Variants in KCMF1 observed in about 807,000 individuals in gnomAD.
KCMF1 encodes the protein potassium channel modulatory factor 1, also known as E3 ubiquitin-protein ligase KCMF1.
In KCMF1, 3 loss-of-function variants were observed where a neutral mutation model predicts 41.1. That is an observed-to-expected ratio of 0.07 (90% CI 0.03 to 0.19). The LOEUF (loss-of-function observed/expected upper bound fraction) is 0.19. Among genes scored for constraint, KCMF1 ranks in the 10% least tolerant of loss-of-function variants. The pLI is 1.00. For synonymous variants in KCMF1, 142 were observed against 164.5 expected, an observed-to-expected ratio of 0.86 and a Z score of 1.04; for missense variants, 286 against 488.9, an observed-to-expected ratio of 0.58 and a Z score of 3.91.
At chr2:84,992,664 G>T (rs1674071288) in intron 1 of KCMF1, among the ~76,000 whole-genome samples, 1 of 149,586 alleles carries the variant, frequency 6.7e-6, no homozygotes, top group Non-Finnish European at 1.5e-5. Context: ...ACGGAGTCTA[G>T]CTCTGTCGCC....
chr2:85,031,580 A>G (rs866264632), intron 2 of KCMF1, among the ~76,000 whole-genome samples: 12 of 152,218 alleles, frequency 7.9e-5, no homozygotes, highest in African/African-American at 2.9e-4. Context: ...TGTTCTGAGC[A>G]CGTTTAATGT....
intron 2 of KCMF1, among the ~76,000 whole-genome samples, chr2:85,031,074 G>A (rs1675254684): frequency 6.6e-6 from 1 of 152,216 alleles, no homozygotes; most frequent in South Asian, 2.1e-4. Flanking sequence ...ATCAAGAAGA[G>A]TGAGTCTTCC....
At chr2:84,982,654 C>A (rs1254310302) in intron 1 of KCMF1, among the ~76,000 whole-genome samples, 1 of 152,004 alleles carries the variant, frequency 6.6e-6, no homozygotes, top group African/African-American at 2.4e-5. Flanking sequence ...CTGCCTTCGC[C>A]ACCCAAAGTG....
chr2:84,980,122 G>C (rs1559124594), intron 1 of KCMF1, among the ~76,000 whole-genome samples: 1 of 152,016 alleles, frequency 6.6e-6, no homozygotes. Flanking sequence ...ATGAGCCACT[G>C]CGCCCAGCCA....
At position 85,055,439 on chromosome 2, in the gene KCMF1, A is replaced by G. The variant is rs1225797771; in HGVS notation, c.*2030A>G. 2 of 152,206 alleles carry G rather than the reference A, an allele frequency of 1.3e-5. No homozygotes were observed. Among genetic ancestry groups the G allele is most frequent in the African/African-American group, 2.4e-5 (1 of 41,448 alleles). 9.4% of individuals were successfully genotyped at this position (152,206 alleles called of 1,614,324 possible). A position where few individuals can be genotyped will look rare whatever the true frequency, so the allele number is the denominator to read the frequency against. ...CCTTTTCTGCACAAATTCTGGGAAAATGTAAAAGCCTTCATTTTTTAACAT... is the reference window on the plus strand; with the variant it reads ...CCTTTTCTGCACAAATTCTGGGAAAGTGTAAAAGCCTTCATTTTTTAACAT... On this transcript the variant is annotated 3_prime_UTR_variant, in exon 7 of 7. Coordinates refer to ENST00000409785, the MANE Select transcript of KCMF1 (RefSeq NM_020122.5).
At chr2:84,975,913 G>T (rs989855529) in intron 1 of KCMF1, among the ~76,000 whole-genome samples, 1 of 152,182 alleles carries the variant, frequency 6.6e-6, no homozygotes, top group East Asian at 1.9e-4. Flanking sequence ...CTGGATCTAG[G>T]TACATGTGTC....
In KCMF1 at chr2:85,058,485, A is replaced by G. The variant is rs1675989970; in HGVS notation, c.*5076A>G. Reference sequence around the variant, plus strand: ...GATGTTTCTCTTCAAGGAGGCCTTTACTAACCACAGGGAACCTAGCATCTG... The same window carrying G: ...GATGTTTCTCTTCAAGGAGGCCTTTGCTAACCACAGGGAACCTAGCATCTG... On this transcript the variant is annotated 3_prime_UTR_variant, in exon 7 of 7. Coordinates refer to ENST00000409785, the MANE Select transcript of KCMF1 (RefSeq NM_020122.5). The G allele has an allele frequency of 1.3e-5, 2 of 152,218 alleles. No homozygotes were observed. Among genetic ancestry groups the G allele is most frequent in the South Asian group, 2.1e-4 (1 of 4,828 alleles). 9.4% of individuals were successfully genotyped at this position (152,218 alleles called of 1,614,324 possible).
chr2:85,034,944 T>A, intron 2 of KCMF1, 72 bp from the exon 3 acceptor site: 1 of 1,308,760 alleles, frequency 7.6e-7, no homozygotes, highest in African/African-American at 1.5e-5. Flanking sequence ...TTTACATTAT[T>A]GTATCGTACG....
chr2:85,011,627 C>T (rs1048280644), intron 1 of KCMF1, among the ~76,000 whole-genome samples: 11 of 152,254 alleles, frequency 7.2e-5, no homozygotes, highest in Non-Finnish European at 1.3e-4. Flanking sequence ...TGCCTGAAGA[C>T]GCTAGTATTG....
At chr2:84,980,124 G>A (rs139110586) in intron 1 of KCMF1, among the ~76,000 whole-genome samples, 4 of 152,010 alleles carry the variant, frequency 2.6e-5, no homozygotes, top group African/African-American at 7.3e-5. Context: ...GAGCCACTGC[G>A]CCCAGCCAGT....
chr2:84,997,764 CTTTTTTT>C (rs112460793), intron 1 of KCMF1, among the ~76,000 whole-genome samples: 17 of 80,246 alleles, frequency 2.1e-4, no homozygotes, highest in African/African-American at 5.0e-4. Flanking sequence ...AATACATTTT[CTTTTTTT>C]TTTTTTTTTT....
rs190253297 is a variant in KCMF1, at chr2:85,021,420, G to A, written c.17-6469G>A. Reference sequence around the variant, plus strand: ...GGGCGGATCACGAGGTCAGGAGATCGAGAACATCCTGGCCAATGTGGTGAA... The same window carrying A: ...GGGCGGATCACGAGGTCAGGAGATCAAGAACATCCTGGCCAATGTGGTGAA... On this transcript the variant is annotated intron_variant, in intron 1 of 6. Transcript: ENST00000409785. Among the ~76,000 whole-genome samples the A allele has an allele frequency of 8.1e-4, 124 of 152,262 alleles. 1 individual carries two copies. Among genetic ancestry groups the A allele is most frequent in the East Asian group, 5.4e-3 (28 of 5,174 alleles).
At chr2:85,042,231 G>A (rs1031978051) in intron 3 of KCMF1, among the ~76,000 whole-genome samples, 3 of 152,180 alleles carry the variant, frequency 2.0e-5, no homozygotes, top group Non-Finnish European at 4.4e-5. Context: ...ACATAATCAG[G>A]ACAGCTGATT....
At chr2:85,033,549 T>C (rs1574036336) in intron 2 of KCMF1, among the ~76,000 whole-genome samples, 1 of 152,196 alleles carries the variant, frequency 6.6e-6, no homozygotes, top group East Asian at 1.9e-4. Context: ...GAAGTGGGCA[T>C]GTGTAAAGAG....
intron 1 of KCMF1, among the ~76,000 whole-genome samples, chr2:84,995,729 T>C (rs1285236917): frequency 6.6e-6 from 1 of 152,224 alleles, no homozygotes; most frequent in East Asian, 1.9e-4. Context: ...GTTGGAAAGA[T>C]CACTTGAGGC....
Position 85,058,379 on chromosome 2 carries a change from T to G in KCMF1, c.*4970T>G, listed in dbSNP as rs989192231. ...CCTGGGCGACACAGTGAGACTCTCC[T>G]CAAAACAAAAAAAAAAGAAAGAAAA... On this transcript the variant is annotated 3_prime_UTR_variant, in exon 7 of 7. Coordinates refer to ENST00000409785, the MANE Select transcript of KCMF1 (RefSeq NM_020122.5). The G allele has an allele frequency of 6.6e-6, 1 of 150,792 alleles. No individual in the cohort carries two copies. The highest frequency in any genetic ancestry group is 2.4e-5 in the African/African-American group (1 of 40,992). The allele number at this position is 150,792 out of a possible 1,614,324, so 9.3% of individuals were successfully genotyped here.
chr2:85,005,622 A>G (rs115632662), intron 1 of KCMF1, among the ~76,000 whole-genome samples: 1,620 of 152,108 alleles, frequency 0.011, 30 homozygotes, highest in African/African-American at 0.037. Context: ...ACACGTGATA[A>G]TTATACATAT....
chr2:85,055,770 A>G lies in KCMF1; in HGVS notation c.*2361A>G, dbSNP rs1000477190. On this transcript the variant is annotated 3_prime_UTR_variant, in exon 7 of 7. Coordinates refer to ENST00000409785, the MANE Select transcript of KCMF1 (RefSeq NM_020122.5). ...TTACTGGATGTACTATTGAATAAAA[A>G]TTAATTGCAAAGACTTTGATGGAGA... 6.6e-6 allele frequency: 1 copy of G among 152,204 alleles called. No individual in the cohort carries two copies. Among genetic ancestry groups the G allele is most frequent in the African/African-American group, 2.4e-5 (1 of 41,460 alleles). 9.4% of individuals were successfully genotyped at this position (152,204 alleles called of 1,614,324 possible).
chr2:84,982,112 A>C (rs1254962579), intron 1 of KCMF1, among the ~76,000 whole-genome samples: 5 of 152,154 alleles, frequency 3.3e-5, no homozygotes, highest in Non-Finnish European at 7.4e-5. Flanking sequence ...TTATCTTTTG[A>C]TACTTAGAAA....
Sources: gnomAD v4.1 joint callset for allele counts (sites outside exome capture counted in the v4.1 genomes callset) on GRCh38, gnomAD v4.1.1 for gene constraint, MANE v1.5 for transcripts, NCBI Gene and HGNC (gene_info 2026-07-23, HGNC 2026-07-21) for gene names.